The following TMEM175 variants were observed in gnomAD, a reference collection of about 807,000 sequenced individuals.
TMEM175 encodes endosomal/lysosomal proton channel TMEM175.
Under a neutral mutation model 36.5 loss-of-function variants are expected in TMEM175, and 36 were observed. The observed-to-expected ratio is 0.99, with a 90% confidence interval of 0.76 to 1.30. TMEM175 has a LOEUF of 1.30. Ranked by LOEUF, TMEM175 falls within the 50% of genes most tolerant of loss-of-function variation. The probability of loss-of-function intolerance (pLI) is 0.00; values close to 1 mark genes in which losing one functional copy is unlikely to be tolerated. For missense variants in TMEM175, 705 were observed against 692.8 expected (o/e 1.02, Z -0.20); for synonymous variants, 339 against 313.4 (o/e 1.08, Z -0.86).
At chr4:948,357 G>C in intron 3 of TMEM175, 1 of 1,534,208 alleles carries the variant, frequency 6.5e-7, no homozygotes, top group East Asian at 2.5e-5. Flanking sequence ...CGGAGGTCCT[G>C]GCCTCCTGGG....
rs150860592 is a variant in TMEM175 at position 951,254 on chromosome 4, A to C, written c.338A>C (p.Asn113Thr). Residue 113 changes from asparagine (N) to threonine (T), a missense_variant, in exon 5 of 11, where the codon AAC (asparagine) becomes ACC (threonine). Coordinates refer to ENST00000264771, the MANE Select transcript of TMEM175 (RefSeq NM_032326.4). Reference sequence around the variant, plus strand: ...ACAGACGACACACTTGCCCTGCTCAACCTGGTGAGTATTTTCCGGTCCTTT... The same window carrying C: ...ACAGACGACACACTTGCCCTGCTCACCCTGGTGAGTATTTTCCGGTCCTTT... Reference protein sequence around the residue: ...GKTDDTLALLNLACMMTITFL... With the variant: ...GKTDDTLALLTLACMMTITFL... The C allele has an allele frequency of 1.6e-3, 2,610 of 1,613,978 alleles. 2 individuals carry two copies. Among genetic ancestry groups the C allele is most frequent in the Non-Finnish European group, 2.0e-3 (2,416 of 1,180,002 alleles).
At chr4:955,598 G>A (rs1729513356) in intron 9 of TMEM175, 115 bp downstream of exon 9, 23 of 1,433,274 alleles carry the variant, frequency 1.6e-5, no homozygotes, top group Non-Finnish European at 2.1e-5. Flanking sequence ...GGTGGTGGCT[G>A]GGGCTCCCCC....
chr4:952,239 C>T (rs1301920559), intron 6 of TMEM175, 128 bp from the exon 7 acceptor site: 2 of 803,748 alleles, frequency 2.5e-6, no homozygotes, highest in Non-Finnish European at 4.1e-6. Flanking sequence ...CTGGCGCCAT[C>T]CTGTGATGGC....
chr4:955,978 C>A (rs1462438314), intron 10 of TMEM175, 88 bp downstream of exon 10: 8 of 1,497,078 alleles, frequency 5.3e-6, no homozygotes, highest in Non-Finnish European at 7.3e-6. Context: ...CCCAGAAAGG[C>A]ACAGGGGTCT....
chr4:945,337 C>T (rs1728006950), intron 1 of TMEM175, among the ~76,000 whole-genome samples: 1 of 152,150 alleles, frequency 6.6e-6, no homozygotes, highest in Non-Finnish European at 1.5e-5. Flanking sequence ...TTGTTGCTGC[C>T]TCAGCTTCTG....
At position 955,827 on chromosome 4, in the gene TMEM175, G is replaced by T. The variant is rs577842900; in HGVS notation, c.779G>T (p.Arg260Leu). The change falls in exon 10 of 11, where the codon CGC becomes CTC. Residue 260 changes from arginine to leucine, a missense_variant. Transcript: ENST00000264771. ...FDLHEPLSKE[R>L]VEAFSDGVYA... ...CTCCACGAGCCACTCAGCAAGGAGC[G>T]CGTGGAAGCCTTCAGCGACGGAGTC... The T allele has an allele frequency of 6.2e-7, 1 of 1,614,078 alleles. No individual in the cohort carries two copies. Among genetic ancestry groups the T allele is most frequent in the South Asian group, 1.1e-5 (1 of 91,090 alleles).
chr4:955,930 C>T (rs1393917887), intron 10 of TMEM175, 40 bp downstream of exon 10: 2 of 1,602,208 alleles, frequency 1.2e-6, no homozygotes, highest in Non-Finnish European at 1.7e-6. Context: ...ATCAGGTGGC[C>T]AATGTGTCTT....
At chr4:933,005 G>A (rs944213023) in intron 1 of TMEM175, among the ~76,000 whole-genome samples, 3 of 152,192 alleles carry the variant, frequency 2.0e-5, no homozygotes, top group Non-Finnish European at 4.4e-5. Context: ...CTCAAGGTTC[G>A]TTCTCACCCT....
Position 947,886 on chromosome 4 carries a change from C to A in TMEM175, c.147C>A (p.Thr49=). 6.2e-7 allele frequency: 1 copy of A among 1,613,828 alleles called. No homozygotes were observed. The change falls in exon 2 of 11, where the codon ACC becomes ACA. Residue 49 remains threonine, a synonymous_variant. Transcript: ENST00000264771. ...FSDALLSIIA[T]VMILPVTHTE... The stretch of plus-strand genomic sequence containing the variant: ...ACGCCCTGCTGTCCATCATCGCCAC[C>A]GTCATGGTCTGTACGGGGCCCCTGC...
In TMEM175 at chr4:951,683, C is replaced by T. The variant is rs1434701255; in HGVS notation, c.344C>T (p.Ala115Val). 3 of 1,614,192 alleles carry T rather than the reference C, an allele frequency of 1.9e-6. No individual in the cohort carries two copies. In the South Asian group the frequency reaches 3.3e-5, roughly 18 times the overall value. ...TDDTLALLNL[A>V]CMMTITFLPY... ...CTGTGATGCCCTCCCTCCCTCCAGG[C>T]CTGCATGATGACCATCACCTTCCTG... Residue 115 changes from alanine to valine, a missense_variant and splice_region_variant, in exon 6 of 11, where the codon GCC becomes GTC. Transcript: ENST00000264771.
At position 932,555 on chromosome 4, in the gene TMEM175, C is replaced by G. The variant is rs1726103850; in HGVS notation, c.-32+15C>G. ...TTCCCGCCCAGGTAGTTCAGCGCCC[C>G]AGTCCAGCTCCCGGTACCGTTCCCC... On this transcript the variant is annotated intron_variant, in intron 1 of 10. Transcript: ENST00000264771. The surrounding 1 kb of genome is among the most constrained non-coding windows in gnomAD (Gnocchi z 4.0). The G allele has an allele frequency of 2.3e-6, 1 of 444,392 alleles. No homozygotes were observed. The highest frequency in any genetic ancestry group is 5.4e-5 in the South Asian group (1 of 18,458). The allele number at this position is 444,392 out of a possible 1,614,324, so 27.5% of individuals were successfully genotyped here.
chr4:942,375 C>A (rs1325958994), intron 1 of TMEM175, among the ~76,000 whole-genome samples: 1 of 152,138 alleles, frequency 6.6e-6, no homozygotes, highest in East Asian at 1.9e-4. Flanking sequence ...CGAATTCATT[C>A]TTTTGCATGT....
chr4:953,136 TG>T, intron 7 of TMEM175, 53 bp from the exon 8 acceptor site: 1 of 1,536,810 alleles, frequency 6.5e-7, no homozygotes. Context: ...TTGACTGCTG[TG>T]GGGGCCCCCT....
At chr4:941,560 TC>T (rs1281351354) in intron 1 of TMEM175, among the ~76,000 whole-genome samples, 1 of 151,054 alleles carries the variant, frequency 6.6e-6, no homozygotes, top group Non-Finnish European at 1.5e-5. Flanking sequence ...TGCGTCAAAC[TC>T]CCGAGTAGCT....
chr4:948,482 G>C, intron 3 of TMEM175: 1 of 1,442,876 alleles, frequency 6.9e-7, no homozygotes, highest in Non-Finnish European at 9.2e-7. Context: ...CCTGCCCCAA[G>C]GACAGAAGTT....
chr4:946,590 G>A (rs1016167187), intron 1 of TMEM175, among the ~76,000 whole-genome samples: 2 of 152,210 alleles, frequency 1.3e-5, no homozygotes, highest in African/African-American at 2.4e-5. Context: ...TTCTGTCTCC[G>A]TGAGGCGCTG....
chr4:948,518 A>T, intron 3 of TMEM175: 1 of 1,390,892 alleles, frequency 7.2e-7, no homozygotes, highest in Non-Finnish European at 9.5e-7. Context: ...CAGCTGCCCC[A>T]GCAGGCAGGC....
chr4:956,838 A>G (rs1381799137), intron 10 of TMEM175: 4 of 234,580 alleles, frequency 1.7e-5, no homozygotes, highest in East Asian at 2.8e-4. Context: ...CCTTGGGGTT[A>G]GACACTATGG....
At chr4:948,182 G>T (rs150914092) in intron 3 of TMEM175, 28 bp downstream of exon 3, 1 of 1,614,100 alleles carries the variant, frequency 6.2e-7, no homozygotes, top group African/African-American at 1.3e-5. Context: ...GCTCTGCGTG[G>T]TGTGGCCCTG....
Sources: allele counts gnomAD v4.1 joint callset (sites outside exome capture counted in the v4.1 genomes callset), GRCh38; gene constraint gnomAD v4.1.1; non-coding constraint Gnocchi (gnomAD v3.1); transcripts MANE v1.5; gene names NCBI Gene and HGNC (gene_info 2026-07-23, HGNC 2026-07-21).